IQCJ: variants seen among roughly 807,000 people sequenced by gnomAD.
The protein encoded by IQCJ is IQ domain-containing protein J.
In IQCJ, 9 loss-of-function variants were observed where a neutral mutation model predicts 11.0. The ratio of observed to expected loss-of-function variants is 0.82; its 90% CI spans 0.49 to 1.43. The LOEUF (loss-of-function observed/expected upper bound fraction) is 1.43, where lower values mean the gene tolerates loss of function less well. Among genes scored for constraint, IQCJ ranks in the 40% most tolerant of loss-of-function variants. The probability of loss-of-function intolerance (pLI) is 0.00; values close to 1 mark genes in which losing one functional copy is unlikely to be tolerated. For missense variants in IQCJ, 146 were observed against 133.2 expected (o/e 1.10, Z -0.47); for synonymous variants, 55 against 51.3 (o/e 1.07, Z -0.31).
At chr3:159,232,055 A>G (rs1341889721) in intron 1 of IQCJ, among the ~76,000 whole-genome samples, 2 of 151,758 alleles carry the variant, frequency 1.3e-5, no homozygotes, top group African/African-American at 4.8e-5. Flanking sequence ...TGGTCTATCT[A>G]TTTTGTTGAT....
At position 159,091,303 on chromosome 3, in the gene IQCJ, G is replaced by T. The variant is rs116806222; in HGVS notation, c.9+21862G>T. Among the ~76,000 whole-genome samples, 635 of 151,876 alleles carry T rather than the reference G, an allele frequency of 4.2e-3. 28 individuals are homozygous for T. Among genetic ancestry groups the T allele is most frequent in the African/African-American group, 0.015 (605 of 41,154 alleles). ...AAAATTATTTCTCTTGGTTCTGCAGGCTAGAAGTCCAAGATCAGGGTGCTG... is the reference window on the plus strand; with the variant it reads ...AAAATTATTTCTCTTGGTTCTGCAGTCTAGAAGTCCAAGATCAGGGTGCTG... On this transcript the variant is annotated intron_variant, in intron 1 of 3. Coordinates refer to ENST00000397832, the MANE Select transcript of IQCJ (RefSeq NM_001042706.3).
chr3:159,149,535 G>T (rs1299318922), intron 1 of IQCJ, among the ~76,000 whole-genome samples: 1 of 152,152 alleles, frequency 6.6e-6, no homozygotes, highest in East Asian at 1.9e-4. Flanking sequence ...TTAAGAGGCT[G>T]TTTGGGGGCT....
intron 1 of IQCJ, among the ~76,000 whole-genome samples, chr3:159,148,090 A>C (rs1358827626): frequency 6.6e-6 from 1 of 152,248 alleles, no homozygotes; most frequent in African/African-American, 2.4e-5. Context: ...TGTTGAACTC[A>C]AACTGGATAG....
At chr3:159,204,168 A>G (rs1724515671) in intron 1 of IQCJ, among the ~76,000 whole-genome samples, 2 of 152,186 alleles carry the variant, frequency 1.3e-5, no homozygotes, top group South Asian at 4.1e-4. Flanking sequence ...TAGTAATATA[A>G]AGCAATGACT....
intron 1 of IQCJ, among the ~76,000 whole-genome samples, chr3:159,090,873 C>T (rs1326847042): frequency 6.6e-6 from 1 of 151,844 alleles, no homozygotes; most frequent in Non-Finnish European, 1.5e-5. Flanking sequence ...TTCATGTGGA[C>T]ATAACATAAA....
chr3:159,107,106 C>G (rs540679539), intron 1 of IQCJ, among the ~76,000 whole-genome samples: 1 of 152,210 alleles, frequency 6.6e-6, no homozygotes, highest in East Asian at 1.9e-4. Flanking sequence ...ACTCTCATTC[C>G]TTTATCTGCC....
intron 1 of IQCJ, among the ~76,000 whole-genome samples, chr3:159,190,935 T>C (rs929906176): frequency 1.1e-4 from 17 of 152,156 alleles, no homozygotes; most frequent in African/African-American, 3.9e-4. Flanking sequence ...CAAATAAACC[T>C]CCACATTGCA....
chr3:159,185,035 A>G (rs914446193), intron 1 of IQCJ, among the ~76,000 whole-genome samples: 1 of 152,204 alleles, frequency 6.6e-6, no homozygotes, highest in Non-Finnish European at 1.5e-5. Flanking sequence ...CACAAGCAGG[A>G]AGCATCCAAC....
downstream of IQCJ, among the ~76,000 whole-genome samples, chr3:159,264,389 C>G (rs1728386531): frequency 6.6e-6 from 1 of 152,212 alleles, no homozygotes; most frequent in South Asian, 2.1e-4. Context: ...TATCTCTGCA[C>G]AGCTTCACTA....
chr3:159,172,327 A>G (rs1351540995), intron 1 of IQCJ, among the ~76,000 whole-genome samples: 1 of 152,188 alleles, frequency 6.6e-6, no homozygotes, highest in East Asian at 1.9e-4. Flanking sequence ...AAAATGTATA[A>G]ATGTTGTGAC....
At chr3:159,226,393 A>G (rs1436178130) in intron 1 of IQCJ, among the ~76,000 whole-genome samples, 1 of 152,176 alleles carries the variant, frequency 6.6e-6, no homozygotes, top group Non-Finnish European at 1.5e-5. Flanking sequence ...TTATGTATGG[A>G]GCCAGGAGCT....
chr3:159,153,264 G>A (rs987421624), intron 1 of IQCJ, among the ~76,000 whole-genome samples: 18 of 152,146 alleles, frequency 1.2e-4, no homozygotes, highest in African/African-American at 3.6e-4. Context: ...TTTAATGGCA[G>A]ATTAAGAAAC....
intron 1 of IQCJ, chr3:159,069,872 TG>T (rs1715441696): frequency 2.7e-6 from 1 of 370,626 alleles, no homozygotes; most frequent in South Asian, 2.1e-5. Context: ...TGTGTGTGTG[TG>T]TGTGTGTGTG....
chr3:159,136,171 A>C (rs1049316091), intron 1 of IQCJ, among the ~76,000 whole-genome samples: 5 of 152,218 alleles, frequency 3.3e-5, no homozygotes, highest in Admixed American at 3.3e-4. Flanking sequence ...ACCTTTTATC[A>C]GAATGAAACC....
chr3:159,231,567 T>C (rs1323123482), intron 1 of IQCJ, among the ~76,000 whole-genome samples: 3 of 152,220 alleles, frequency 2.0e-5, no homozygotes, highest in Non-Finnish European at 4.4e-5. Context: ...TCAATGTTCA[T>C]CAGGAATATT....
At chr3:159,102,133 C>T (rs1331312002) in intron 1 of IQCJ, among the ~76,000 whole-genome samples, 1 of 152,198 alleles carries the variant, frequency 6.6e-6, no homozygotes, top group Non-Finnish European at 1.5e-5. Flanking sequence ...AAACAAGAAA[C>T]AGGACTTTGA....
intron 1 of IQCJ, among the ~76,000 whole-genome samples, chr3:159,076,102 A>G (rs1036663309): frequency 6.6e-6 from 1 of 152,070 alleles, no homozygotes; most frequent in African/African-American, 2.4e-5. Flanking sequence ...TTTTTGATGG[A>G]CTGATAATGA....
chr3:159,134,667 A>T (rs1720184893), intron 1 of IQCJ, among the ~76,000 whole-genome samples: 1 of 152,174 alleles, frequency 6.6e-6, no homozygotes, highest in African/African-American at 2.4e-5. Context: ...GCATTTCTCT[A>T]AAAAGTGACA....
intron 3 of IQCJ, among the ~76,000 whole-genome samples, chr3:159,260,334 C>T (rs1224803393): frequency 6.6e-6 from 1 of 152,008 alleles, no homozygotes; most frequent in Admixed American, 6.6e-5. Flanking sequence ...ATAATGAAGA[C>T]GATTTAAAGG....
Sources: gnomAD v4.1 joint callset for allele counts (sites outside exome capture counted in the v4.1 genomes callset) on GRCh38, gnomAD v4.1.1 for gene constraint, MANE v1.5 for transcripts, NCBI Gene and HGNC (gene_info 2026-07-23, HGNC 2026-07-21) for gene names.